The following GPC3 variants were observed in gnomAD, a reference collection of about 807,000 sequenced individuals.
GPC3 encodes glypican-3.
GPC3 carries 3 observed loss-of-function variants against 34.4 expected under a neutral mutation model. That is an observed-to-expected ratio of 0.09 (90% CI 0.04 to 0.23). The LOEUF (loss-of-function observed/expected upper bound fraction) is 0.23. Ranked by LOEUF, GPC3 falls within the 10% of genes least tolerant of loss-of-function variation. GPC3 has a pLI of 1.00. For synonymous variants in GPC3, 177 were observed against 174.0 expected (o/e 1.02, Z -0.13); for missense variants, 351 against 445.6 (o/e 0.79, Z 1.91).
intron 2 of GPC3, among the ~76,000 whole-genome samples, chrX:133,944,829 CATAGAGCTGAGT>C (rs1186657472): frequency 8.9e-6 from 1 of 111,816 alleles, no homozygotes; most frequent in Non-Finnish European, 1.9e-5. Context: ...TATGGGCCAG[CATAGAGCTGAGT>C]TCTTCACAGC....
At chrX:133,554,203 G>A (rs986861368) in intron 7 of GPC3, among the ~76,000 whole-genome samples, 3 of 110,238 alleles carry the variant, frequency 2.7e-5, no homozygotes, top group South Asian at 3.9e-4. Flanking sequence ...TAGTAGAGAC[G>A]GGGTTTCACC....
intron 3 of GPC3, among the ~76,000 whole-genome samples, chrX:133,710,559 T>C (rs1228200098): frequency 8.9e-6 from 1 of 112,199 alleles, no homozygotes; most frequent in African/African-American, 3.2e-5. Flanking sequence ...GGTAGCTATA[T>C]GTCCCTGAAA....
intron 7 of GPC3, 25 bp downstream of exon 7, chrX:133,596,415 A>G (rs771125951): frequency 5.9e-6 from 7 of 1,185,195 alleles, no homozygotes; most frequent in Non-Finnish European, 3.4e-6. Context: ...TTTAGATTAC[A>G]TTTGGGTCAG....
intron 2 of GPC3, among the ~76,000 whole-genome samples, chrX:133,805,010 A>G (rs1303820637): frequency 8.9e-6 from 1 of 111,841 alleles, no homozygotes; most frequent in Non-Finnish European, 1.9e-5. Flanking sequence ...CACTGGTGCC[A>G]TCAGAGGAAA....
At chrX:133,945,918 T>TATA (rs1202982630) in intron 2 of GPC3, among the ~76,000 whole-genome samples, 1 of 111,979 alleles carries the variant, frequency 8.9e-6, no homozygotes, top group Non-Finnish European at 1.9e-5. Context: ...CCCCCAATTA[T>TATA]ATAAGTTTTG....
intron 7 of GPC3, among the ~76,000 whole-genome samples, chrX:133,583,523 C>G (rs1301037982): frequency 9.0e-6 from 1 of 111,225 alleles, no homozygotes; most frequent in African/African-American, 3.3e-5. Flanking sequence ...TGCCACCATG[C>G]CTGGCTAATT....
chrX:133,938,790 C>T (rs767367364), intron 2 of GPC3, among the ~76,000 whole-genome samples: 2 of 112,065 alleles, frequency 1.8e-5, no homozygotes, highest in South Asian at 7.4e-4. Flanking sequence ...ACAGTTTTCA[C>T]ATAAAAGACT....
intron 6 of GPC3, among the ~76,000 whole-genome samples, chrX:133,611,416 AATC>A (rs765133209): frequency 1.6e-3 from 175 of 112,083 alleles, no homozygotes; most frequent in African/African-American, 5.5e-3. Flanking sequence ...CCTACACTCA[AATC>A]ATCAATTCCT....
chrX:133,776,336 C>T (rs984662257), intron 2 of GPC3, among the ~76,000 whole-genome samples: 1 of 111,096 alleles, frequency 9.0e-6, no homozygotes, highest in Non-Finnish European at 1.9e-5. Context: ...CTCAGCCCTT[C>T]GCAGACCCCT....
chrX:133,784,416 T>C (rs1322993546), intron 2 of GPC3, among the ~76,000 whole-genome samples: 1 of 111,305 alleles, frequency 9.0e-6, no homozygotes, highest in Non-Finnish European at 1.9e-5. Flanking sequence ...CCTAGGAAAT[T>C]TGTAATCAGG....
intron 3 of GPC3, among the ~76,000 whole-genome samples, chrX:133,750,191 C>T (rs2071651704): frequency 8.9e-6 from 1 of 111,935 alleles, no homozygotes; most frequent in Admixed American, 9.4e-5. Context: ...GCCTTTCTTC[C>T]TGAATGATAA....
chrX:133,754,137 G>A lies in GPC3; in HGVS notation c.377C>T (p.Thr126Ile). The change falls in exon 3 of 8, where the codon ACC (threonine) becomes ATC (isoleucine). Residue 126 changes from threonine (T) to isoleucine (I), a missense_variant. By Grantham distance (89) the Thr-to-Ile change is moderately conservative. Transcript: ENST00000370818. ...GTAGTTGTTCTTGAACATGGCATTGGTGTAGTTCTTGGCATGGCGAACAAC... is the reference window on the plus strand; with the variant it reads ...GTAGTTGTTCTTGAACATGGCATTGATGTAGTTCTTGGCATGGCGAACAAC... Reference protein sequence around the residue: ...EIVVRHAKNYTNAMFKNNYPS... With the variant: ...EIVVRHAKNYINAMFKNNYPS... 2 of 1,203,695 alleles carry A rather than the reference G, an allele frequency of 1.7e-6. No individual in the cohort carries two copies. The highest frequency in any genetic ancestry group is 2.2e-6 in the Non-Finnish European group (2 of 890,643).
chrX:133,737,335 A>G (rs755792962), intron 3 of GPC3, among the ~76,000 whole-genome samples: 5 of 112,120 alleles, frequency 4.5e-5, no homozygotes, highest in African/African-American at 6.5e-5. Flanking sequence ...CAAGAGTGAA[A>G]CCTAATGTAA....
At chrX:133,904,527 T>G (rs1268664332) in intron 2 of GPC3, among the ~76,000 whole-genome samples, 1 of 111,535 alleles carries the variant, frequency 9.0e-6, no homozygotes, top group Non-Finnish European at 1.9e-5. Context: ...GACTTAGCTG[T>G]GAAGATGGGT....
At chrX:133,747,159 T>G (rs1315018629) in intron 3 of GPC3, among the ~76,000 whole-genome samples, 4 of 111,836 alleles carry the variant, frequency 3.6e-5, no homozygotes, top group Non-Finnish European at 5.6e-5. Context: ...GTACTGGAGA[T>G]CTGATGTTCT....
chrX:133,762,672 T>C (rs2124487041), intron 2 of GPC3: 1 of 317,473 alleles, frequency 3.1e-6, no homozygotes. Context: ...AGATACCATC[T>C]CACACCAGTC....
intron 2 of GPC3, among the ~76,000 whole-genome samples, chrX:133,793,675 A>C (rs1335112810): frequency 8.9e-6 from 1 of 111,749 alleles, no homozygotes; most frequent in Non-Finnish European, 1.9e-5. Context: ...TGTGTGTAAA[A>C]CCAACAATCT....
chrX:133,721,085 T>C (rs1173399007), intron 3 of GPC3, among the ~76,000 whole-genome samples: 1 of 104,812 alleles, frequency 9.5e-6, no homozygotes, highest in Non-Finnish European at 1.9e-5. Flanking sequence ...CTCAGTAACT[T>C]AAGCTTCTAC....
chrX:133,625,463 C>T (rs1259487424), intron 6 of GPC3, among the ~76,000 whole-genome samples: 2 of 112,095 alleles, frequency 1.8e-5, no homozygotes, highest in South Asian at 3.7e-4. Context: ...GCAACTTCAG[C>T]GAAGTCTCAG....
Sources: gnomAD v4.1 joint callset for allele counts (sites outside exome capture counted in the v4.1 genomes callset) on GRCh38, gnomAD v4.1.1 for gene constraint, MANE v1.5 for transcripts, NCBI Gene and HGNC (gene_info 2026-07-23, HGNC 2026-07-21) for gene names.